EVC2: variants seen among roughly 807,000 people sequenced by gnomAD.
The protein encoded by EVC2 is EvC ciliary complex subunit 2.
EVC2 carries 148 observed loss-of-function variants against 149.3 expected under a neutral mutation model. The ratio of observed to expected loss-of-function variants is 0.99; its 90% confidence interval spans 0.87 to 1.14. The LOEUF is 1.14. Among genes scored for constraint, EVC2 ranks in the 50% most tolerant of loss-of-function variants. The probability of loss-of-function intolerance (pLI) is 0.00; values close to 1 mark genes in which losing one functional copy is unlikely to be tolerated. For missense variants in EVC2, 1,854 were observed against 1,627.3 expected, an observed-to-expected ratio of 1.14 and a Z score of -2.40; for synonymous variants, 776 against 649.9, an observed-to-expected ratio of 1.19 and a Z score of -2.95.
intron 9 of EVC2, among the ~76,000 whole-genome samples, chr4:5,644,463 C>G (rs1434620051): frequency 6.6e-6 from 1 of 151,990 alleles, no homozygotes; most frequent in African/African-American, 2.4e-5. Context: ...CGCCACCATG[C>G]CCAACTAATT....
At chr4:5,687,235 C>T (rs111287187) in intron 5 of EVC2, among the ~76,000 whole-genome samples, 18,550 of 151,550 alleles carry the variant, frequency 0.12, 1,435 homozygotes, top group Middle Eastern at 0.19. Context: ...CTAGGCTGGG[C>T]GACAAGCATG....
At chr4:5,619,447 A>G (rs1715520005) in intron 14 of EVC2, among the ~76,000 whole-genome samples, 1 of 152,184 alleles carries the variant, frequency 6.6e-6, no homozygotes, top group African/African-American at 2.4e-5. Context: ...AAGCCAATGA[A>G]TGCCAAGGAT....
At chr4:5,671,783 T>G (rs189662688) in intron 7 of EVC2, among the ~76,000 whole-genome samples, 1 of 152,240 alleles carries the variant, frequency 6.6e-6, no homozygotes, top group African/African-American at 2.4e-5. Context: ...GTGTTGGGAT[T>G]ACAGACGTCA....
At chr4:5,697,119 C>G (rs991516612) in intron 2 of EVC2, among the ~76,000 whole-genome samples, 2 of 152,188 alleles carry the variant, frequency 1.3e-5, no homozygotes, top group African/African-American at 4.8e-5. Flanking sequence ...GGCAATGCGG[C>G]CATAGATGCT....
At chr4:5,681,175 C>T in intron 7 of EVC2, 85 bp downstream of exon 7, 4 of 1,503,194 alleles carry the variant, frequency 2.7e-6, no homozygotes, top group Non-Finnish European at 2.8e-6. Flanking sequence ...CAGCAGCTGG[C>T]CGCTCCCCAT....
chr4:5,692,873 C>CAAA lies in EVC2; in HGVS notation c.450+1459_450+1461dup, dbSNP rs1162271018. ...TGGGCGACAGAGCGAGACTCCGTCT[C>CAAA]AAAAAAAAAAAAAAAAAGAAAAAAG... is the stretch of plus-strand genomic sequence containing the variant. On this transcript the variant is annotated intron_variant, in intron 3 of 21. Transcript: ENST00000344408. Among the ~76,000 whole-genome samples, 199 of 37,098 alleles carry CAAA rather than the reference C, an allele frequency of 5.4e-3. 7 individuals are homozygous for CAAA. Among genetic ancestry groups the CAAA allele is most frequent in the African/African-American group, 0.011 (121 of 10,550 alleles). The allele number at this position is 37,098 out of a possible 152,430, so 24.3% of individuals were successfully genotyped here. A position where few individuals can be genotyped will look rare whatever the true frequency, so the allele number is the denominator to read the frequency against.
At chr4:5,691,441 G>A in intron 3 of EVC2, 108 bp from the exon 4 acceptor site, 5 of 825,014 alleles carry the variant, frequency 6.1e-6, no homozygotes, top group Non-Finnish European at 9.9e-6. Flanking sequence ...AAAGATTACT[G>A]CTACTAATCC....
chr4:5,609,575 A>G (rs1361780546), intron 16 of EVC2, among the ~76,000 whole-genome samples: 2 of 152,174 alleles, frequency 1.3e-5, no homozygotes, highest in Non-Finnish European at 2.9e-5. Flanking sequence ...GAGCTGCTCC[A>G]TTAGTGGGAA....
intron 9 of EVC2, among the ~76,000 whole-genome samples, chr4:5,652,190 G>A (rs1436557466): frequency 6.6e-6 from 1 of 152,210 alleles, no homozygotes; most frequent in Non-Finnish European, 1.5e-5. Flanking sequence ...AGCAATGGCT[G>A]GGACTCAGGT....
chr4:5,531,042 C>T, the EVC2 span, among the ~76,000 whole-genome samples: 6 of 152,166 alleles, frequency 3.9e-5, no homozygotes, highest in African/African-American at 1.4e-4. Context: ...CAATAACACT[C>T]TGAGGGTGGT....
intron 8 of EVC2, among the ~76,000 whole-genome samples, chr4:5,664,975 G>A (rs1308564578): frequency 1.3e-5 from 2 of 150,488 alleles, no homozygotes; most frequent in Non-Finnish European, 3.0e-5. Flanking sequence ...GGGTGCGTGT[G>A]GGTGACAGGA....
rs372503380 is a variant in EVC2 at position 5,640,171 on chromosome 4, G to A, written c.1470+343C>T. Among the ~76,000 whole-genome samples the A allele has an allele frequency of 1.3e-5, 2 of 152,194 alleles. No individual in the cohort carries two copies. Among genetic ancestry groups the A allele is most frequent in the African/African-American group, 4.8e-5 (2 of 41,520 alleles). On this transcript the variant is annotated intron_variant, in intron 10 of 21. Coordinates refer to ENST00000344408, the MANE Select transcript of EVC2 (RefSeq NM_147127.5). The surrounding 1 kb of genome is among the most constrained non-coding windows in gnomAD (Gnocchi z 4.6). ...GGTGATGGGTGGCATGGATGGGAGG[G>A]TGGATAAATGAGTAGGTGGATGAAC... is the stretch of plus-strand genomic sequence containing the variant.
intron 10 of EVC2, among the ~76,000 whole-genome samples, chr4:5,632,367 G>GAC (rs1182440624): frequency 6.6e-6 from 1 of 152,044 alleles, no homozygotes; most frequent in Non-Finnish European, 1.5e-5. Flanking sequence ...CACACACATA[G>GAC]ACACACACAC....
At chr4:5,568,419 G>A (rs200198874) in intron 20 of EVC2, 25 bp downstream of exon 20, 1 of 1,538,924 alleles carries the variant, frequency 6.5e-7, no homozygotes, top group Non-Finnish European at 8.7e-7. Flanking sequence ...CGTGCCCCGG[G>A]AGGCAGCCCC....
rs180741311 is a variant in EVC2, at chr4:5,602,148, A to T, written c.2829+13274T>A. Among the ~76,000 whole-genome samples the T allele has an allele frequency of 2.7e-3, 407 of 152,130 alleles. 5 individuals are homozygous for T. The highest frequency in any genetic ancestry group is 8.8e-3 in the African/African-American group (366 of 41,554). On this transcript the variant is annotated intron_variant, in intron 16 of 21. Transcript: ENST00000344408. ...AAAATAAAAAATTTTAAAAATTAGT[A>T]GGGTAGTGCATGCCTGTAATCCCAG... is the stretch of plus-strand genomic sequence containing the variant.
chr4:5,632,067 C>T, intron 10 of EVC2, 35 bp from the exon 11 acceptor site: 1 of 1,612,290 alleles, frequency 6.2e-7, no homozygotes, highest in Non-Finnish European at 8.5e-7. Context: ...GAGAAACTGA[C>T]ACACTGAACA....
At chr4:5,642,637 T>C (rs1426497953) in intron 9 of EVC2, among the ~76,000 whole-genome samples, 1 of 152,200 alleles carries the variant, frequency 6.6e-6, no homozygotes, top group Non-Finnish European at 1.5e-5. Flanking sequence ...CTGGGTCAGA[T>C]GTCAGCGACA....
downstream of EVC2, among the ~76,000 whole-genome samples, chr4:5,539,278 T>G (rs115038728): frequency 8.9e-3 from 1,360 of 152,246 alleles, 21 homozygotes; most frequent in African/African-American, 0.031. Flanking sequence ...TGAAGGAAAA[T>G]TTTAAACATT....
At chr4:5,658,801 T>G (rs1331861948) in intron 9 of EVC2, among the ~76,000 whole-genome samples, 1 of 152,176 alleles carries the variant, frequency 6.6e-6, no homozygotes, top group Non-Finnish European at 1.5e-5. Flanking sequence ...GAGAGAGTTG[T>G]GAGAATTAAA....
Sources: gnomAD v4.1 joint callset for allele counts (sites outside exome capture counted in the v4.1 genomes callset) on GRCh38, gnomAD v4.1.1 for gene constraint, Gnocchi (gnomAD v3.1) non-coding constraint, MANE v1.5 for transcripts, NCBI Gene and HGNC (gene_info 2026-07-23, HGNC 2026-07-21) for gene names.